CSMD3: variants seen among roughly 807,000 people sequenced by gnomAD.
The protein encoded by CSMD3 is CUB and sushi domain-containing protein 3.
A neutral mutation model predicts 435.2 loss-of-function variants in CSMD3; 177 were observed. The ratio of observed to expected loss-of-function variants is 0.41; its 90% CI spans 0.36 to 0.46. The LOEUF is 0.46. CSMD3 is among the 20% of genes least tolerant of loss of function. CSMD3 has a pLI of 0.34. For missense variants in CSMD3, 4,265 were observed against 4,504.6 expected (o/e 0.95, Z 1.52); for synonymous variants, 1,656 against 1,520.5 (o/e 1.09, Z -2.07).
At chr8:113,185,422 TTCCCCATCCC>T (rs1437485960) in intron 3 of CSMD3, among the ~76,000 whole-genome samples, 1 of 152,022 alleles carries the variant, frequency 6.6e-6, no homozygotes, top group Non-Finnish European at 1.5e-5. Flanking sequence ...ACCAGTATCC[TTCCCCATCCC>T]TCTTTCCCAG....
intron 10 of CSMD3, among the ~76,000 whole-genome samples, chr8:112,907,991 A>G (rs1314675252): frequency 6.6e-6 from 1 of 151,368 alleles, no homozygotes; most frequent in African/African-American, 2.4e-5. Flanking sequence ...TAGCTATGTT[A>G]CATACTACAT....
chr8:113,395,380 G>T (rs2094478585), intron 1 of CSMD3, among the ~76,000 whole-genome samples: 1 of 152,078 alleles, frequency 6.6e-6, no homozygotes, highest in Non-Finnish European at 1.5e-5. Flanking sequence ...GGCTGAGGCG[G>T]GCGGATCATG....
chr8:112,980,354 A>G (rs535931592), intron 6 of CSMD3, among the ~76,000 whole-genome samples: 44 of 151,462 alleles, frequency 2.9e-4, no homozygotes, highest in African/African-American at 1.0e-3. Context: ...ACATTATGTT[A>G]CATAAATTAG....
intron 13 of CSMD3, among the ~76,000 whole-genome samples, chr8:112,715,343 G>A (rs1416538466): frequency 1.3e-5 from 2 of 151,978 alleles, no homozygotes; most frequent in Non-Finnish European, 2.9e-5. Flanking sequence ...ATAAATTCCT[G>A]GACTCATGCA....
At position 112,707,685 on chromosome 8, in the gene CSMD3, G is replaced by A. The variant is rs74874150; in HGVS notation, c.1973-17635C>T. 2.8e-3 allele frequency among the ~76,000 whole-genome samples: 430 copies of A among 152,090 alleles called. 1 individual carries two copies. The highest frequency in any genetic ancestry group is 9.5e-3 in the African/African-American group (393 of 41,504). Reference sequence around the variant, plus strand: ...TCTATTGTGTTTGTCTATCTTTCACGCTCCTGGGGCTGTGTGTCCAGGAAA... The same window carrying A: ...TCTATTGTGTTTGTCTATCTTTCACACTCCTGGGGCTGTGTGTCCAGGAAA... On this transcript the variant is annotated intron_variant, in intron 13 of 70. Transcript: ENST00000297405.
intron 1 of CSMD3, among the ~76,000 whole-genome samples, chr8:113,394,191 CAAG>C (rs1441807859): frequency 4.6e-5 from 7 of 150,670 alleles, no homozygotes; most frequent in Non-Finnish European, 1.0e-4. Flanking sequence ...CACACACACA[CAAG>C]GGGTTTAATG....
At chr8:113,414,961 A>G (rs921893619) in intron 1 of CSMD3, among the ~76,000 whole-genome samples, 3 of 152,104 alleles carry the variant, frequency 2.0e-5, no homozygotes, top group Non-Finnish European at 4.4e-5. Context: ...GGCAGTATGT[A>G]AAAAAACAAA....
At chr8:112,277,367 G>A (rs1326485399) in intron 59 of CSMD3, among the ~76,000 whole-genome samples, 1 of 152,140 alleles carries the variant, frequency 6.6e-6, no homozygotes. Flanking sequence ...CGTAGCAAGA[G>A]TCACCTTTAC....
intron 45 of CSMD3, among the ~76,000 whole-genome samples, chr8:112,332,146 G>C (rs1824126177): frequency 6.6e-6 from 1 of 151,976 alleles, no homozygotes; most frequent in Admixed American, 6.6e-5. Flanking sequence ...AAGAGGATAA[G>C]AACAAGAAAT....
intron 17 of CSMD3, among the ~76,000 whole-genome samples, chr8:112,658,930 G>A (rs946342392): frequency 3.9e-5 from 6 of 152,110 alleles, no homozygotes; most frequent in South Asian, 2.1e-4. Flanking sequence ...ACTCCAGCCT[G>A]GGTGACAGAG....
intron 13 of CSMD3, among the ~76,000 whole-genome samples, chr8:112,703,876 G>GA (rs1303088535): frequency 6.6e-6 from 1 of 152,100 alleles, no homozygotes; most frequent in Non-Finnish European, 1.5e-5. Flanking sequence ...ACTGCCCACA[G>GA]AAAGTAATGA....
intron 3 of CSMD3, among the ~76,000 whole-genome samples, chr8:113,261,518 C>T (rs934268783): frequency 1.3e-5 from 2 of 152,046 alleles, no homozygotes; most frequent in African/African-American, 4.8e-5. Flanking sequence ...CCTCCCTTAG[C>T]CTCTGTGAGG....
At chr8:113,345,989 G>A (rs892103762) in intron 1 of CSMD3, among the ~76,000 whole-genome samples, 3 of 151,412 alleles carry the variant, frequency 2.0e-5, no homozygotes, top group African/African-American at 7.3e-5. Context: ...TTCCAGTTCT[G>A]TTGCAAACTG....
chr8:112,229,100 C>CA (rs1410356428), intron 69 of CSMD3, among the ~76,000 whole-genome samples: 1 of 151,798 alleles, frequency 6.6e-6, no homozygotes, highest in Non-Finnish European at 1.5e-5. Flanking sequence ...AGGGTACAGA[C>CA]AAAAAAATAG....
chr8:113,084,624 A>C (rs1345884261), intron 5 of CSMD3, among the ~76,000 whole-genome samples: 2 of 20,106 alleles, frequency 9.9e-5, no homozygotes, highest in African/African-American at 2.6e-4. Context: ...AATGGAACCA[A>C]AAAAAAAAAA....
At chr8:112,826,472 G>A (rs947452803) in intron 12 of CSMD3, among the ~76,000 whole-genome samples, 1 of 152,092 alleles carries the variant, frequency 6.6e-6, no homozygotes, top group Non-Finnish European at 1.5e-5. Context: ...CTTGTGACTG[G>A]GATCATCCAA....
chr8:112,665,109 A>C (rs1449444503), intron 17 of CSMD3, among the ~76,000 whole-genome samples: 1 of 152,148 alleles, frequency 6.6e-6, no homozygotes, highest in African/African-American at 2.4e-5. Context: ...ACAGAAACCA[A>C]GCTTCAGTCA....
At chr8:112,784,528 T>A (rs1236351288) in intron 13 of CSMD3, among the ~76,000 whole-genome samples, 2 of 151,808 alleles carry the variant, frequency 1.3e-5, no homozygotes, top group Non-Finnish European at 2.9e-5. Flanking sequence ...TATGTCATAC[T>A]AAGATACAAA....
intron 13 of CSMD3, among the ~76,000 whole-genome samples, chr8:112,733,143 C>A (rs1314255585): frequency 2.0e-5 from 3 of 152,034 alleles, no homozygotes; most frequent in Non-Finnish European, 2.9e-5. Context: ...GTAGCCATAG[C>A]AAACAATATT....
Sources: gnomAD v4.1 joint callset for allele counts (sites outside exome capture counted in the v4.1 genomes callset) on GRCh38, gnomAD v4.1.1 for gene constraint, MANE v1.5 for transcripts, NCBI Gene and HGNC (gene_info 2026-07-23, HGNC 2026-07-21) for gene names.